NOP2: variants seen among roughly 807,000 people sequenced by gnomAD.
NOP2 encodes 28S rRNA (cytosine(4447)-C(5))-methyltransferase.
In NOP2, 7 loss-of-function variants were observed where a neutral mutation model predicts 72.7. The observed-to-expected ratio is 0.10, with a 90% CI of 0.05 to 0.18. The LOEUF (loss-of-function observed/expected upper bound fraction) is 0.18, where lower values mean the gene tolerates loss of function less well. NOP2 is among the 10% of genes least tolerant of loss of function. The pLI is 1.00. For synonymous variants in NOP2, 387 were observed against 388.0 expected, an observed-to-expected ratio of 1.00 and a Z score of 0.03; for missense variants, 954 against 1,014.7, an observed-to-expected ratio of 0.94 and a Z score of 0.81.
intron 11 of NOP2, among the ~76,000 whole-genome samples, 187 bp from the exon 12 acceptor site, chr12:6,561,257 A>T (rs968154021): frequency 6.6e-6 from 1 of 152,208 alleles, no homozygotes; most frequent in Non-Finnish European, 1.5e-5. Flanking sequence ...AAGTCTACCG[A>T]TGTGGTTTTC....
At position 6,560,962 on chromosome 12, in the gene NOP2, A is replaced by C; in HGVS notation, c.1316T>G (p.Ile439Ser). ...LHRLGVTNTI[I>S]SHYDGRQFPK... ...GAACTGGCGCCCATCATAGTGGCTG[A>C]TAATGGTGTTGGTGACTCCCAGCCG... The change falls in exon 12 of 16, where the codon ATC (isoleucine) becomes AGC (serine). Residue 439 changes from isoleucine (I) to serine (S), a missense_variant. Physicochemically the swap from Ile to Ser is moderately radical, Grantham distance 142. Around this residue, in one of 3 missense-constraint regions of NOP2, gnomAD observed 187 missense variants for 276.2 expected, o/e 0.68. Transcript: ENST00000322166. This position sits in a 1 kb window ranked among gnomAD's most constrained non-coding sequence, Gnocchi z 5.0. 1 of 1,613,884 alleles carries C rather than the reference A, an allele frequency of 6.2e-7. No homozygotes were observed. Among genetic ancestry groups the C allele is most frequent in the Non-Finnish European group, 8.5e-7 (1 of 1,179,880 alleles).
intron 5 of NOP2, chr12:6,564,227 G>C: frequency 1.8e-6 from 1 of 548,796 alleles, no homozygotes; most frequent in Non-Finnish European, 3.0e-6. Context: ...AGTGAGCCAA[G>C]ACCGAGCCAC....
intron 7 of NOP2, 46 bp downstream of exon 7, chr12:6,563,568 C>A: frequency 6.2e-7 from 1 of 1,608,690 alleles, no homozygotes; most frequent in South Asian, 1.1e-5. Flanking sequence ...AAATCCCTCT[C>A]CCAACCACCT....
rs1216461812 is a variant in NOP2 at position 6,566,951 on chromosome 12, T to C, written c.104-129A>G. On this transcript the variant is annotated intron_variant, in intron 2 of 15. Transcript: ENST00000322166. ...GAGTCCATTTAAATCTCAGCCCTGT[T>C]ATTATTTAATAACTGTATACAAGTT... 8.0e-6 allele frequency: 6 copies of C among 747,096 alleles called. No homozygotes were observed. In the African/African-American group the frequency reaches 1.1e-4, roughly 13 times the overall value. The allele number at this position is 747,096 out of a possible 1,614,324, so 46.3% of individuals were successfully genotyped here.
chr12:6,561,594 C>G (rs1947651313), intron 11 of NOP2, 70 bp downstream of exon 11: 4 of 1,582,120 alleles, frequency 2.5e-6, no homozygotes, highest in Admixed American at 1.7e-5. Context: ...GAGTCAGCAA[C>G]CCCAGCAACC....
At position 6,566,332 on chromosome 12, in the gene NOP2, G is replaced by A. The variant is rs367607600; in HGVS notation, c.243C>T (p.Ile81=). 1 of 1,612,404 alleles carries A rather than the reference G, an allele frequency of 6.2e-7. No individual in the cohort carries two copies. Among genetic ancestry groups the A allele is most frequent in the Non-Finnish European group, 8.5e-7 (1 of 1,179,144 alleles). Reference sequence around the variant, plus strand: ...CAGCTGTCTGGACAGCTCCTGCAGAGATCCCTAAGGGTTTGAAGAGTCCTG... The same window carrying A: ...CAGCTGTCTGGACAGCTCCTGCAGAAATCCCTAAGGGTTTGAAGAGTCCTG... The part of the protein sequence containing the change: ...KPLPGKLPKG[I]SAGAVQTAGK... Residue 81 remains isoleucine (I), a synonymous_variant, in exon 5 of 16, where the codon ATC becomes ATT. Transcript: ENST00000322166.
At chr12:6,568,154 C>A in intron 1 of NOP2, 53 bp downstream of exon 1, 1 of 562,510 alleles carries the variant, frequency 1.8e-6, no homozygotes, top group Admixed American at 3.2e-5. Context: ...TCCCCACGTC[C>A]CAGACCAGGT....
intron 15 of NOP2, among the ~76,000 whole-genome samples, chr12:6,559,263 C>A (rs575979581): frequency 6.6e-6 from 1 of 152,170 alleles, no homozygotes; most frequent in Non-Finnish European, 1.5e-5. Flanking sequence ...GGACTACAGG[C>A]GCCCACCACC....
chr12:6,560,097 C>T lies in NOP2; in HGVS notation c.1789+1G>A. Reference sequence around the variant, plus strand: ...ACGAAGGGAAGAAAAAGATTACTTACCTGTCTGGGACTGAGGGATAGAATT... The same window carrying T: ...ACGAAGGGAAGAAAAAGATTACTTATCTGTCTGGGACTGAGGGATAGAATT... On this transcript the variant is annotated splice_donor_variant, in intron 15 of 15. Transcript: ENST00000322166. LOFTEE classifies it high-confidence loss of function. The surrounding 1 kb of genome is among the most constrained non-coding windows in gnomAD (Gnocchi z 5.0). 2 of 1,606,124 alleles carry T rather than the reference C, an allele frequency of 1.2e-6. No individual in the cohort carries two copies. The highest frequency in any genetic ancestry group is 1.7e-6 in the Non-Finnish European group (2 of 1,172,784).
In NOP2 at chr12:6,568,030, C is replaced by CT. The variant is rs1947831547; in HGVS notation, c.-4-109_-4-108insA. The stretch of plus-strand genomic sequence containing the variant: ...GAAAGGGCACAGCCTCAACTCAGCA[C>CT]CCGCAACTCACTCAGCACTCCCGAC... On this transcript the variant is annotated intron_variant, in intron 1 of 15. Transcript: ENST00000322166. 5 of 771,524 alleles carry CT rather than the reference C, an allele frequency of 6.5e-6. No homozygotes were observed. In the East Asian group the frequency reaches 1.3e-4, roughly 21 times the overall value. The allele number at this position is 771,524 out of a possible 1,614,324, so 47.8% of individuals were successfully genotyped here.
chr12:6,567,810 C>G lies in NOP2; in HGVS notation c.103+6G>C. On this transcript the variant is annotated splice_donor_region_variant and intron_variant, in intron 2 of 15. Transcript: ENST00000322166. ...GAGGGATCAGGAGGCCACAACTAAT[C>G]CTTACCTGCAGGCAAGAATCTGACG... The G allele has an allele frequency of 6.2e-7, 1 of 1,611,926 alleles. No individual in the cohort carries two copies. Among genetic ancestry groups the G allele is most frequent in the Non-Finnish European group, 8.5e-7 (1 of 1,178,032 alleles).
intron 8 of NOP2, 31 bp from the exon 9 acceptor site, chr12:6,563,201 G>C: frequency 6.4e-7 from 1 of 1,563,270 alleles, no homozygotes; most frequent in Non-Finnish European, 8.7e-7. Context: ...GAATAAGTGA[G>C]GCTGGCTAAG....
intron 15 of NOP2, among the ~76,000 whole-genome samples, chr12:6,558,410 C>T (rs892933224): frequency 6.6e-6 from 1 of 151,042 alleles, no homozygotes; most frequent in African/African-American, 2.4e-5. Context: ...CAATCACAAC[C>T]GTGCGCCACC....
Position 6,560,651 on chromosome 12 carries a change from C to T in NOP2, c.1437+47G>A, listed in dbSNP as rs371497963. 3.4e-5 allele frequency: 55 copies of T among 1,611,610 alleles called. No homozygotes were observed. The East Asian group carries it at 3.6e-4, about 10-fold the overall frequency. ...GTCCCCATCTCAGTTTCCAGCTCTA[C>T]GAGACCCAGCCAAGGCCTCTCAGGG... is the stretch of plus-strand genomic sequence containing the variant. On this transcript the variant is annotated intron_variant, in intron 13 of 15. Transcript: ENST00000322166. This position sits in a 1 kb window ranked among gnomAD's most constrained non-coding sequence, Gnocchi z 5.0.
rs891936938 is a variant in NOP2 at position 6,557,047 on chromosome 12, T to TG, written c.2384dup (p.Ala796SerfsTer21). On this transcript the variant is annotated frameshift_variant, in exon 16 of 16. Coordinates refer to ENST00000322166, the MANE Select transcript of NOP2 (RefSeq NM_001258308.2). LOFTEE classifies it low-confidence loss of function (END_TRUNC). The stretch of plus-strand genomic sequence containing the variant: ...TGGACTGAGATTTCTTCCTCTTTGC[T>TG]GGTGGGGGGCGGCTGGAACGGATGG... The TG allele has an allele frequency of 1.2e-5, 20 of 1,613,812 alleles. No individual in the cohort carries two copies. The highest frequency in any genetic ancestry group is 1.5e-5 in the Non-Finnish European group (18 of 1,179,886).
At position 6,560,223 on chromosome 12, in the gene NOP2, C is replaced by T. The variant is rs748469816; in HGVS notation, c.1664G>A (p.Arg555Gln). 50 of 1,613,884 alleles carry T rather than the reference C, an allele frequency of 3.1e-5. 1 individual carries two copies. In the South Asian group the frequency reaches 4.5e-4, roughly 15 times the overall value. Residue 555 changes from arginine to glutamine, a missense_variant, in exon 15 of 16, where the codon CGA (arginine) becomes CAA (glutamine). Arg to Gln is a conservative substitution (Grantham distance 43, BLOSUM62 1). Transcript: ENST00000322166. This position sits in a 1 kb window ranked among gnomAD's most constrained non-coding sequence, Gnocchi z 5.0. Reference sequence around the variant, plus strand: ...CAGACTGGGGTGGAAGCGCCTTTCTCGAAAGCGGGTAAAACCTTCCTGGCC... The same window carrying T: ...CAGACTGGGGTGGAAGCGCCTTTCTTGAAAGCGGGTAAAACCTTCCTGGCC... Reference protein sequence around the residue: ...DFGQEGFTRFRERRFHPSLRS... With the variant: ...DFGQEGFTRFQERRFHPSLRS...
chr12:6,565,345 C>CT (rs765750969), intron 5 of NOP2, among the ~76,000 whole-genome samples: 9,102 of 145,002 alleles, frequency 0.063, 896 homozygotes, highest in African/African-American at 0.21. Flanking sequence ...TTTAACTTAA[C>CT]TTTTTTTTTT....
chr12:6,566,642 G>C (rs1179047737), intron 3 of NOP2, 25 bp from the exon 4 acceptor site: 2 of 1,611,322 alleles, frequency 1.2e-6, no homozygotes, highest in East Asian at 4.5e-5. Flanking sequence ...GAGATTCAAG[G>C]AGTGAAGAAA....
chr12:6,564,362 AG>A, intron 5 of NOP2: 2 of 187,674 alleles, frequency 1.1e-5, no homozygotes, highest in Non-Finnish European at 2.3e-5. Flanking sequence ...TTTTCCATTA[AG>A]AAAAAAAAAA....
Sources: gnomAD v4.1 joint callset for allele counts (sites outside exome capture counted in the v4.1 genomes callset) on GRCh38, gnomAD v4.1.1 for gene constraint, gnomAD v4.1.1 regional missense constraint, Gnocchi (gnomAD v3.1) non-coding constraint, MANE v1.5 for transcripts, NCBI Gene and HGNC (gene_info 2026-07-23, HGNC 2026-07-21) for gene names.